The following AGAP1 variants were observed in gnomAD, a reference collection of about 807,000 sequenced individuals.
AGAP1 encodes the protein ArfGAP with GTPase domain, ankyrin repeat and PH domain 1.
In AGAP1, 29 loss-of-function variants were observed where a neutral mutation model predicts 105.3. That is an observed-to-expected ratio of 0.28 (90% CI 0.21 to 0.38). The LOEUF (loss-of-function observed/expected upper bound fraction) is 0.38, where lower values mean the gene tolerates loss of function less well. Ranked by LOEUF, AGAP1 falls within the 10% of genes least tolerant of loss-of-function variation. The pLI, the probability that AGAP1 is intolerant of heterozygous loss-of-function variation, is 1.00. For synonymous variants in AGAP1, 509 were observed against 485.9 expected (o/e 1.05, Z -0.63); for missense variants, 998 against 1,165.1 (o/e 0.86, Z 2.09).
chr2:235,613,559 A>C (rs1198052701), intron 1 of AGAP1, among the ~76,000 whole-genome samples: 3 of 152,170 alleles, frequency 2.0e-5, no homozygotes. Flanking sequence ...GGCCAGGGAA[A>C]GTGTTTTTAG....
chr2:235,789,499 T>C lies in AGAP1; in HGVS notation c.674-8260T>C, dbSNP rs1257006838. 6.6e-6 allele frequency among the ~76,000 whole-genome samples: 1 copy of C among 152,200 alleles called. No homozygotes were observed. Among genetic ancestry groups the C allele is most frequent in the Non-Finnish European group, 1.5e-5 (1 of 68,034 alleles). On this transcript the variant is annotated intron_variant, in intron 6 of 17. Transcript: ENST00000304032. This position sits in a 1 kb window ranked among gnomAD's most constrained non-coding sequence, Gnocchi z 4.2. ...AGATAAAAAGAATACAGACAAGAACTGAATTTCAGATTAAGAATTCAGACT... is the reference window on the plus strand; with the variant it reads ...AGATAAAAAGAATACAGACAAGAACCGAATTTCAGATTAAGAATTCAGACT...
chr2:235,890,162 C>CTTTT (rs3059035), intron 10 of AGAP1, among the ~76,000 whole-genome samples: 1,937 of 132,448 alleles, frequency 0.015, 49 homozygotes, highest in South Asian at 0.072. Context: ...TAGTTATTCC[C>CTTTT]TTTTTTTTTT....
Position 235,904,456 on chromosome 2 carries a change from CT to C in AGAP1, c.1156-4281del, listed in dbSNP as rs1381157554. ...GCAGGAGATGGCACCTCTGGGGGGCCTGGCTCTTGAGTGGGCCCCAGGGACT... is the reference window on the plus strand; with the variant it reads ...GCAGGAGATGGCACCTCTGGGGGGCCGGCTCTTGAGTGGGCCCCAGGGACT... On this transcript the variant is annotated intron_variant, in intron 10 of 17. Transcript: ENST00000304032. This position sits in a 1 kb window ranked among gnomAD's most constrained non-coding sequence, Gnocchi z 4.2. 6.6e-6 allele frequency among the ~76,000 whole-genome samples: 1 copy of C among 152,168 alleles called. No individual in the cohort carries two copies. The highest frequency in any genetic ancestry group is 1.5e-5 in the Non-Finnish European group (1 of 68,034).
Position 235,569,572 on chromosome 2 carries a change from G to A in AGAP1, c.163+74723G>A, listed in dbSNP as rs1944453877. On this transcript the variant is annotated intron_variant, in intron 1 of 17. Coordinates refer to ENST00000304032, the MANE Select transcript of AGAP1 (RefSeq NM_001037131.3). The surrounding 1 kb of genome is among the most constrained non-coding windows in gnomAD (Gnocchi z 5.9). The stretch of plus-strand genomic sequence containing the variant: ...TCTGCCCTCTGCCCATGTGAGCATG[G>A]TCTGTGAGCAAACCTTCCTGTGGAT... 6.6e-6 allele frequency among the ~76,000 whole-genome samples: 1 copy of A among 152,172 alleles called. No homozygotes were observed. Among genetic ancestry groups the A allele is most frequent in the African/African-American group, 2.4e-5 (1 of 41,440 alleles).
chr2:235,655,600 C>T lies in AGAP1; in HGVS notation c.164-53579C>T, dbSNP rs888464945. ...GTACCTGTATCTGATGAGTTAGTAGCTGTGAAAACGTTTCTCTAGCAAGGC... is the reference window on the plus strand; with the variant it reads ...GTACCTGTATCTGATGAGTTAGTAGTTGTGAAAACGTTTCTCTAGCAAGGC... On this transcript the variant is annotated intron_variant, in intron 1 of 17. Transcript: ENST00000304032. The surrounding 1 kb of genome is among the most constrained non-coding windows in gnomAD (Gnocchi z 4.3). 5.9e-5 allele frequency among the ~76,000 whole-genome samples: 9 copies of T among 152,192 alleles called. No homozygotes were observed. Among genetic ancestry groups the T allele is most frequent in the Non-Finnish European group, 1.2e-4 (8 of 68,040 alleles).
At chr2:235,810,636 C>G (rs917665757) in intron 9 of AGAP1, among the ~76,000 whole-genome samples, 1 of 152,220 alleles carries the variant, frequency 6.6e-6, no homozygotes. Flanking sequence ...AGGCTCCCCC[C>G]ACCTCAGTGT....
chr2:235,921,994 G>T lies in AGAP1; in HGVS notation c.1325-8771G>T, dbSNP rs115174745. Among the ~76,000 whole-genome samples, 452 of 152,306 alleles carry T rather than the reference G, an allele frequency of 3.0e-3. 2 individuals are homozygous for T. Among genetic ancestry groups the T allele is most frequent in the Non-Finnish European group, 3.7e-3 (255 of 68,028 alleles). On this transcript the variant is annotated intron_variant, in intron 11 of 17. Coordinates refer to ENST00000304032, the MANE Select transcript of AGAP1 (RefSeq NM_001037131.3). ...GTTCTTTTTGGGTTTGTAATTAGAG[G>T]ACAGAACAGATGGCGAAGGCCTAGT...
intron 16 of AGAP1, among the ~76,000 whole-genome samples, chr2:236,054,114 T>G (rs942896671): frequency 6.6e-6 from 1 of 152,176 alleles, no homozygotes; most frequent in African/African-American, 2.4e-5. Context: ...TTCCATCTCT[T>G]TTTGATTCTG....
At chr2:235,661,023 C>T (rs1162224190) in intron 1 of AGAP1, among the ~76,000 whole-genome samples, 1 of 152,126 alleles carries the variant, frequency 6.6e-6, no homozygotes, top group African/African-American at 2.4e-5. Flanking sequence ...GACAGGGACT[C>T]ACTGAGGGCT....
chr2:235,684,790 C>T lies in AGAP1; in HGVS notation c.164-24389C>T, dbSNP rs1160963800. 2.6e-5 allele frequency among the ~76,000 whole-genome samples: 4 copies of T among 152,104 alleles called. No individual in the cohort carries two copies. The South Asian group carries it at 8.3e-4, about 32-fold the overall frequency. ...AGATGAATAACTTGTTGGTATCACT[C>T]GTCAATCTTAGAGGCACTTTCAGAG... On this transcript the variant is annotated intron_variant, in intron 1 of 17. Transcript: ENST00000304032.
At position 236,098,620 on chromosome 2, in the gene AGAP1, C is replaced by CTTTTTTTTTTTTTTTTTTTTTTTTTTTTT. The variant is rs34419216; in HGVS notation, c.2115-21553_2115-21552insTTTTTTTTTTTTTTTTTTTTTTTTTTTTT. 2.1e-4 allele frequency among the ~76,000 whole-genome samples: 24 copies of CTTTTTTTTTTTTTTTTTTTTTTTTTTTTT among 115,226 alleles called. 1 individual carries two copies. Among genetic ancestry groups the CTTTTTTTTTTTTTTTTTTTTTTTTTTTTT allele is most frequent in the African/African-American group, 5.4e-4 (14 of 25,784 alleles). The allele number at this position is 115,226 out of a possible 152,430, so 75.6% of individuals were successfully genotyped here. A position where few individuals can be genotyped will look rare whatever the true frequency, so the allele number is the denominator to read the frequency against. ...GCTGACTTGATGAAATCTTTTTTTC[C>CTTTTTTTTTTTTTTTTTTTTTTTTTTTTT]TTTTTTTTTTTTTTTTTTTAGAGAA... On this transcript the variant is annotated intron_variant, in intron 16 of 17. Transcript: ENST00000304032.
At position 235,911,598 on chromosome 2, in the gene AGAP1, C is replaced by T. The variant is rs531742253; in HGVS notation, c.1324+2692C>T. Among the ~76,000 whole-genome samples, 189 of 152,336 alleles carry T rather than the reference C, an allele frequency of 1.2e-3. 2 individuals are homozygous for T. The highest frequency in any genetic ancestry group is 6.7e-3 in the Admixed American group (102 of 15,306). ...AATGTGTGATTTTAAGTAGATAATACAAAGGCCCTATAAACCGTACCATAT... is the reference window on the plus strand; with the variant it reads ...AATGTGTGATTTTAAGTAGATAATATAAAGGCCCTATAAACCGTACCATAT... On this transcript the variant is annotated intron_variant, in intron 11 of 17. Transcript: ENST00000304032.
At chr2:236,018,760 C>T (rs1034933234) in intron 13 of AGAP1, among the ~76,000 whole-genome samples, 1 of 152,080 alleles carries the variant, frequency 6.6e-6, no homozygotes, top group African/African-American at 2.4e-5. Flanking sequence ...GCCTAAAGTC[C>T]CAATTCGAGC....
At position 235,787,608 on chromosome 2, in the gene AGAP1, C is replaced by G. The variant is rs549240313; in HGVS notation, c.674-10151C>G. Among the ~76,000 whole-genome samples the G allele has an allele frequency of 6.6e-6, 1 of 152,276 alleles. No individual in the cohort carries two copies. Among genetic ancestry groups the G allele is most frequent in the East Asian group, 1.9e-4 (1 of 5,174 alleles). ...GGATTTCACAATCTCCCACATCTAG[C>G]AAATTGCCTGGCATATACTAGTTGC... is the stretch of plus-strand genomic sequence containing the variant. On this transcript the variant is annotated intron_variant, in intron 6 of 17. Coordinates refer to ENST00000304032, the MANE Select transcript of AGAP1 (RefSeq NM_001037131.3). This position sits in a 1 kb window ranked among gnomAD's most constrained non-coding sequence, Gnocchi z 4.4.
chr2:235,636,263 CCT>C (rs1946999245), intron 1 of AGAP1, among the ~76,000 whole-genome samples: 1 of 152,150 alleles, frequency 6.6e-6, no homozygotes, highest in Non-Finnish European at 1.5e-5. Context: ...GGGCCTTTAT[CCT>C]TGGGGCACCT....
intron 3 of AGAP1, among the ~76,000 whole-genome samples, chr2:235,730,081 A>G (rs1239281316): frequency 6.6e-6 from 1 of 152,152 alleles, no homozygotes; most frequent in East Asian, 1.9e-4. Context: ...TACCTTATTT[A>G]CATTCAGAGA....
At chr2:235,532,805 G>A (rs1943087197) in intron 1 of AGAP1, among the ~76,000 whole-genome samples, 1 of 152,214 alleles carries the variant, frequency 6.6e-6, no homozygotes, top group Admixed American at 6.5e-5. Flanking sequence ...GCAGTGGGCA[G>A]TGAGCCGTGC....
At chr2:235,850,714 C>G (rs1416191489) in intron 9 of AGAP1, among the ~76,000 whole-genome samples, 1 of 152,242 alleles carries the variant, frequency 6.6e-6, no homozygotes, top group East Asian at 1.9e-4. Context: ...TTTCTAGTCA[C>G]CCTTCGTCTT....
intron 6 of AGAP1, among the ~76,000 whole-genome samples, chr2:235,780,269 A>G (rs1019524240): frequency 2.0e-5 from 3 of 152,358 alleles, no homozygotes; most frequent in Admixed American, 6.5e-5. Context: ...ATTAATAGCT[A>G]CAGGTAACTG....
Sources: allele counts gnomAD v4.1 joint callset (sites outside exome capture counted in the v4.1 genomes callset), GRCh38; gene constraint gnomAD v4.1.1; non-coding constraint Gnocchi (gnomAD v3.1); transcripts MANE v1.5; gene names NCBI Gene and HGNC (gene_info 2026-07-23, HGNC 2026-07-21).